The following TFCP2L1 variants were observed in gnomAD, a reference collection of about 807,000 sequenced individuals.
TFCP2L1 encodes transcription factor CP2 like 1, also known as transcription factor CP2-like protein 1.
In TFCP2L1, 12 loss-of-function variants were observed where a neutral mutation model predicts 72.2. That is an observed-to-expected ratio of 0.17 (90% CI 0.11 to 0.27). The LOEUF is 0.27. Among genes scored for constraint, TFCP2L1 ranks in the 10% least tolerant of loss-of-function variants. TFCP2L1 has a pLI of 1.00. For synonymous variants in TFCP2L1, 260 were observed against 251.0 expected (o/e 1.04, Z -0.34); for missense variants, 488 against 624.6 (o/e 0.78, Z 2.33).
At chr2:121,231,757 G>A in intron 13 of TFCP2L1, 69 bp downstream of exon 13, 1 of 1,577,038 alleles carries the variant, frequency 6.3e-7, no homozygotes, top group South Asian at 1.2e-5. Flanking sequence ...TGTTTCTGGG[G>A]CAGGGGTTCT....
rs766924189 is a variant in TFCP2L1, at chr2:121,242,468, G to A, written c.659C>T (p.Pro220Leu). The A allele has an allele frequency of 1.9e-6, 3 of 1,613,726 alleles. No homozygotes were observed. The highest frequency in any genetic ancestry group is 1.7e-5 in the Admixed American group (1 of 59,984). Residue 220 changes from proline (P) to leucine (L), a missense_variant and splice_region_variant, in exon 7 of 15, where the codon CCG becomes CTG. Pro to Leu is a moderately conservative substitution (Grantham distance 98). Transcript: ENST00000263707. ...CTTCTGTTTCCGATCGGCTCCCTTC[G>A]GCTGCGAGCAGAGTACAGAGTCCAA... ...SASCQIKVFK[P>L]KGADRKQKTD...
chr2:121,269,918 A>AAAAAAAAAAAT, intron 2 of TFCP2L1, among the ~76,000 whole-genome samples: 9 of 115,168 alleles, frequency 7.8e-5, no homozygotes, highest in South Asian at 6.2e-4. Context: ...AAAAAAAAAA[A>AAAAAAAAAAAT]ATATATATAT....
intron 5 of TFCP2L1, among the ~76,000 whole-genome samples, chr2:121,247,186 C>A (rs1686506644): frequency 6.6e-6 from 1 of 152,170 alleles, no homozygotes; most frequent in Non-Finnish European, 1.5e-5. Context: ...CCACCTTTGT[C>A]TCTTTACTGT....
chr2:121,225,508 C>A lies in TFCP2L1; in HGVS notation c.1393+54G>T, dbSNP rs1289460051. 20 of 1,555,552 alleles carry A rather than the reference C, an allele frequency of 1.3e-5. No individual in the cohort carries two copies. In the East Asian group the frequency reaches 4.0e-4, roughly 31 times the overall value. ...TGGAAGGGCCCATCCTGCAGGCAGG[C>A]CCCACCCTCTCACCTGCCCCCACAA... On this transcript the variant is annotated intron_variant, in intron 14 of 14. Transcript: ENST00000263707.
Position 121,281,494 on chromosome 2 carries a change from A to G in TFCP2L1, c.63-223T>C, listed in dbSNP as rs1687260920. Among the ~76,000 whole-genome samples the G allele has an allele frequency of 5.9e-5, 9 of 152,164 alleles. No homozygotes were observed. In the South Asian group the frequency reaches 1.9e-3, roughly 32 times the overall value. ...CTCTAGTTTCACTCAATGACCCCCC[A>G]AAACACTGATTCAATCAGCCCATCA... On this transcript the variant is annotated intron_variant, in intron 1 of 14. Coordinates refer to ENST00000263707, the MANE Select transcript of TFCP2L1 (RefSeq NM_014553.3).
At position 121,222,304 on chromosome 2, in the gene TFCP2L1, A is replaced by G. The variant is rs1028240390; in HGVS notation, c.*2037T>C. The G allele has an allele frequency of 2.4e-4, 37 of 152,246 alleles. No homozygotes were observed. The highest frequency in any genetic ancestry group is 5.3e-4 in the Non-Finnish European group (36 of 68,044). 9.4% of individuals were successfully genotyped at this position (152,246 alleles called of 1,614,324 possible). A position where few individuals can be genotyped will look rare whatever the true frequency, so the allele number is the denominator to read the frequency against. ...ACCTAGCAATTCCACTCCTATGTAT[A>G]TTGCTAAAAGAAATGAAAACATATG... On this transcript the variant is annotated 3_prime_UTR_variant, in exon 15 of 15. Coordinates refer to ENST00000263707, the MANE Select transcript of TFCP2L1 (RefSeq NM_014553.3).
intron 12 of TFCP2L1, 138 bp from the exon 13 acceptor site, chr2:121,232,106 CTT>C (rs1686156349): frequency 5.4e-6 from 4 of 747,582 alleles, no homozygotes; most frequent in Non-Finnish European, 8.3e-6. Context: ...CACTGCCACT[CTT>C]TTTGTTTTGT....
chr2:121,248,067 A>C, intron 5 of TFCP2L1, 97 bp downstream of exon 5: 1 of 992,544 alleles, frequency 1.0e-6, no homozygotes, highest in East Asian at 2.6e-5. Flanking sequence ...GCAGAAGCTC[A>C]TCCAGACCCT....
intron 2 of TFCP2L1, among the ~76,000 whole-genome samples, chr2:121,253,528 G>A (rs1412739087): frequency 6.6e-6 from 1 of 152,138 alleles, no homozygotes; most frequent in African/African-American, 2.4e-5. Context: ...GCTGACAGCG[G>A]CCCTAGCATG....
At chr2:121,247,956 A>C (rs1243271135) in intron 5 of TFCP2L1, among the ~76,000 whole-genome samples, 1 of 152,244 alleles carries the variant, frequency 6.6e-6, no homozygotes, top group African/African-American at 2.4e-5. Flanking sequence ...AGAATTCTAA[A>C]ACCCTCCCCA....
intron 1 of TFCP2L1, 152 bp downstream of exon 1, chr2:121,284,896 C>A (rs977975792): frequency 2.6e-5 from 17 of 649,242 alleles, no homozygotes; most frequent in South Asian, 8.6e-5. Context: ...AGTCCCTAGG[C>A]GGGACGCTGG....
intron 2 of TFCP2L1, among the ~76,000 whole-genome samples, chr2:121,259,856 G>A (rs1686799337): frequency 6.6e-6 from 1 of 152,084 alleles, no homozygotes; most frequent in Non-Finnish European, 1.5e-5. Context: ...AAAACAACTA[G>A]GGATATATTG....
intron 2 of TFCP2L1, among the ~76,000 whole-genome samples, chr2:121,277,477 A>C (rs1028658231): frequency 6.6e-6 from 1 of 152,234 alleles, no homozygotes; most frequent in African/African-American, 2.4e-5. Flanking sequence ...TGAGAAAGCA[A>C]TTTGGTGATA....
intron 2 of TFCP2L1, among the ~76,000 whole-genome samples, chr2:121,273,907 A>T (rs1404887955): frequency 6.6e-6 from 1 of 152,168 alleles, no homozygotes; most frequent in Non-Finnish European, 1.5e-5. Flanking sequence ...AGCCTGGCCA[A>T]CATGGCTAAA....
Position 121,224,257 on chromosome 2 carries a change from C to CCA in TFCP2L1, c.*82_*83dup, listed in dbSNP as rs1573351968. On this transcript the variant is annotated 3_prime_UTR_variant, in exon 15 of 15. Coordinates refer to ENST00000263707, the MANE Select transcript of TFCP2L1 (RefSeq NM_014553.3). ...CCTGGCCTCAGCTTGCCTGGTGAGGCCACAGCTTACAGTGGGGCAATGTCT... is the reference window on the plus strand; with the variant it reads ...CCTGGCCTCAGCTTGCCTGGTGAGGCCACACAGCTTACAGTGGGGCAATGTCT... The CCA allele has an allele frequency of 1.9e-6, 3 of 1,547,510 alleles. No individual in the cohort carries two copies. The East Asian group carries it at 6.8e-5, about 35-fold the overall frequency.
intron 1 of TFCP2L1, 54 bp downstream of exon 1, chr2:121,284,994 C>T: frequency 2.1e-6 from 3 of 1,415,780 alleles, no homozygotes; most frequent in Admixed American, 3.0e-5. Context: ...CGTCCAACGG[C>T]GCCCGGCCCG....
At chr2:121,233,428 G>C (rs562633022) in intron 12 of TFCP2L1, among the ~76,000 whole-genome samples, 7 of 152,304 alleles carry the variant, frequency 4.6e-5, no homozygotes, top group Non-Finnish European at 7.3e-5. Context: ...GCCTCCCAAA[G>C]TGCTGGGATT....
At chr2:121,282,518 T>TAA (rs796221589) in intron 1 of TFCP2L1, among the ~76,000 whole-genome samples, 3 of 117,054 alleles carry the variant, frequency 2.6e-5, no homozygotes, top group African/African-American at 6.4e-5. Flanking sequence ...CCACCATCTC[T>TAA]AAAAAAAAAA....
chr2:121,233,942 C>T, intron 12 of TFCP2L1, 149 bp downstream of exon 12: 1 of 698,818 alleles, frequency 1.4e-6, no homozygotes, highest in Non-Finnish European at 2.5e-6. Context: ...AAGGAGCATG[C>T]ACTAGGCTGC....
Sources: gnomAD v4.1 joint callset for allele counts (sites outside exome capture counted in the v4.1 genomes callset) on GRCh38, gnomAD v4.1.1 for gene constraint, MANE v1.5 for transcripts, NCBI Gene and HGNC (gene_info 2026-07-23, HGNC 2026-07-21) for gene names.